NLRP3: variants seen among roughly 807,000 people sequenced by gnomAD.
NLRP3 encodes NLR family pyrin domain containing 3, also known as NACHT, LRR and PYD domains-containing protein 3.
A neutral mutation model predicts 91.3 loss-of-function variants in NLRP3; 48 were observed. The ratio of observed to expected loss-of-function variants is 0.53; its 90% confidence interval spans 0.42 to 0.67. The LOEUF is 0.67. NLRP3 is among the 30% of genes least tolerant of loss of function. The pLI is 0.00. For synonymous variants in NLRP3, 561 were observed against 507.9 expected, an observed-to-expected ratio of 1.10 and a Z score of -1.41; for missense variants, 982 against 1,276.9, an observed-to-expected ratio of 0.77 and a Z score of 3.52.
In NLRP3 at chr1:247,429,762, CCCCGTGCATGTGATCTGTGTGAGTG is replaced by C; in HGVS notation, c.2321+9_2321+33del. The stretch of plus-strand genomic sequence containing the variant: ...GTAACATTCGGAGATTGTGGTGAGT[CCCCGTGCATGTGATCTGTGTGAGTG>C]CAAGTTCATATGAGAGAGAGAGAGA... On this transcript the variant is annotated splice_region_variant and intron_variant, in intron 5 of 9. Coordinates refer to ENST00000336119, the MANE Select transcript of NLRP3 (RefSeq NM_001243133.2). 1.9e-6 allele frequency: 3 copies of C among 1,613,246 alleles called. 1 individual carries two copies. In the South Asian group the frequency reaches 3.3e-5, roughly 18 times the overall value.
Position 247,443,999 on chromosome 1 carries a change from C to T in NLRP3, c.2691C>T (p.Val897=), listed in dbSNP as rs1263629550. The change falls in exon 8 of 10, where the codon GTC becomes GTT. Residue 897 remains valine, a synonymous_variant. Coordinates refer to ENST00000336119, the MANE Select transcript of NLRP3 (RefSeq NM_001243133.2). ...TGGTGAATTCTGGCCTTACGTCAGT[C>T]TGTTGTTCAGCTTTGTCCTCGGTAC... ...LGLVNSGLTS[V]CCSALSSVLS... is the part of the protein sequence containing the mutation. 1.2e-6 allele frequency: 2 copies of T among 1,614,170 alleles called. No individual in the cohort carries two copies. Among genetic ancestry groups the T allele is most frequent in the South Asian group, 2.2e-5 (2 of 91,070 alleles).
chr1:247,425,726 C>A lies in NLRP3; in HGVS notation c.2150+127C>A. ...TTGCCACAGCTACATCATAATGCCA[C>A]CACTGTCTGTTTGAGACTCCTTCAT... On this transcript the variant is annotated intron_variant, in intron 4 of 9. Transcript: ENST00000336119. The surrounding 1 kb of genome is among the most constrained non-coding windows in gnomAD (Gnocchi z 4.1). 1 of 864,548 alleles carries A rather than the reference C, an allele frequency of 1.2e-6. No homozygotes were observed. The highest frequency in any genetic ancestry group is 1.9e-6 in the Non-Finnish European group (1 of 533,822). 53.6% of individuals were successfully genotyped at this position (864,548 alleles called of 1,614,324 possible). A position where few individuals can be genotyped will look rare whatever the true frequency, so the allele number is the denominator to read the frequency against.
chr1:247,416,533 G>T (rs1347904324), intron 1 of NLRP3, among the ~76,000 whole-genome samples: 1 of 152,148 alleles, frequency 6.6e-6, no homozygotes, highest in Non-Finnish European at 1.5e-5. Context: ...AAGACCAAAG[G>T]GCAGCAGATT....
At chr1:247,433,464 T>G (rs1017300349) in intron 5 of NLRP3, among the ~76,000 whole-genome samples, 1 of 152,140 alleles carries the variant, frequency 6.6e-6, no homozygotes, top group Non-Finnish European at 1.5e-5. Context: ...TTCACATGTC[T>G]GGGGGGTGAT....
rs201372862 is a variant in NLRP3, at chr1:247,418,543, C to T, written c.-258C>T. ...TCTTGAATTCCTCAGCTCAGGTGAT[C>T]TGCCTGCCTTGGCCTCTCAAAGTGC... On this transcript the variant is annotated 5_prime_UTR_variant, in exon 2 of 10. Coordinates refer to ENST00000336119, the MANE Select transcript of NLRP3 (RefSeq NM_001243133.2). 4 of 473,244 alleles carry T rather than the reference C, an allele frequency of 8.5e-6. No homozygotes were observed. The highest frequency in any genetic ancestry group is 1.5e-5 in the Non-Finnish European group (4 of 258,556). 29.3% of individuals were successfully genotyped at this position (473,244 alleles called of 1,614,324 possible). A position where few individuals can be genotyped will look rare whatever the true frequency, so the allele number is the denominator to read the frequency against.
chr1:247,441,129 CTCTT>C (rs58587092), intron 7 of NLRP3, among the ~76,000 whole-genome samples: 1,018 of 92,850 alleles, frequency 0.011, 12 homozygotes, highest in East Asian at 0.075. Context: ...TTTTCTTTTT[CTCTT>C]TCTTTCTTTC....
intron 7 of NLRP3, among the ~76,000 whole-genome samples, chr1:247,437,727 G>A (rs947708286): frequency 1.3e-5 from 2 of 152,196 alleles, no homozygotes; most frequent in Admixed American, 1.3e-4. Context: ...ACAGATAATA[G>A]ACATGCTAAA....
In NLRP3 at chr1:247,444,681, C is replaced by T. The variant is rs1664475444; in HGVS notation, c.2865C>T (p.Cys955=). Residue 955 remains cysteine, a synonymous_variant, in exon 9 of 10, where the codon TGC becomes TGT. Transcript: ENST00000336119. ...ELDNCNLTSH[C]CWDLSTLLTS... ...ACAACTGCAACCTCACGTCACACTG[C>T]TGCTGGGATCTTTCCACACTTCTGA... 6.2e-7 allele frequency: 1 copy of T among 1,614,004 alleles called. No individual in the cohort carries two copies. The highest frequency in any genetic ancestry group is 1.3e-5 in the African/African-American group (1 of 74,924).
chr1:247,445,679 T>C (rs1018715835), intron 9 of NLRP3, among the ~76,000 whole-genome samples: 11 of 152,174 alleles, frequency 7.2e-5, no homozygotes, highest in African/African-American at 2.4e-4. Flanking sequence ...GCCGTGATGA[T>C]TGCACTTTTC....
In NLRP3 at chr1:247,435,992, T is replaced by C; in HGVS notation, c.2515T>C (p.Ser839Pro). The change falls in exon 7 of 10, where the codon TCA becomes CCA. Residue 839 changes from serine to proline, a missense_variant. Around this residue, in one of 5 missense-constraint regions of NLRP3, gnomAD observed 373 missense variants for 431.5 expected, o/e 0.86. Coordinates refer to ENST00000336119, the MANE Select transcript of NLRP3 (RefSeq NM_001243133.2). Reference protein sequence around the residue: ...KLWLVSCCLTSACCQDLASVL... With the variant: ...KLWLVSCCLTPACCQDLASVL... ...AAGGTTGGTCAGCTGCTGCCTCACA[T>C]CAGCATGTTGTCAGGATCTTGCATC... 1.2e-6 allele frequency: 2 copies of C among 1,614,116 alleles called. No individual in the cohort carries two copies. The highest frequency in any genetic ancestry group is 1.7e-6 in the Non-Finnish European group (2 of 1,180,008).
In NLRP3 at chr1:247,433,801, C is replaced by T. The variant is rs1197936578; in HGVS notation, c.2322-302C>T. On this transcript the variant is annotated intron_variant, in intron 5 of 9. Coordinates refer to ENST00000336119, the MANE Select transcript of NLRP3 (RefSeq NM_001243133.2). ...CTGATGCATTCTCTATTCCAGAGCT[C>T]TCTGGTCAGGTGTGTCCTGATGCTT... Among the ~76,000 whole-genome samples, 654 of 136,214 alleles carry T rather than the reference C, an allele frequency of 4.8e-3. 7 individuals are homozygous for T. Among genetic ancestry groups the T allele is most frequent in the East Asian group, 5.6e-3 (24 of 4,262 alleles). 89.4% of individuals were successfully genotyped at this position (136,214 alleles called of 152,430 possible). A position where few individuals can be genotyped will look rare whatever the true frequency, so the allele number is the denominator to read the frequency against.
chr1:247,419,025 G>T lies in NLRP3; in HGVS notation c.225G>T (p.Ala75=). The change falls in exon 2 of 10, where the codon GCG becomes GCT. Residue 75 remains alanine (A), a synonymous_variant. Transcript: ENST00000336119. ...AWAMAVWIFA[A]INRRDLYEKA... ...CCATGGCCGTGTGGATCTTCGCTGC[G>T]ATCAACAGGAGAGACCTTTATGAGA... 2 of 1,613,448 alleles carry T rather than the reference G, an allele frequency of 1.2e-6. No homozygotes were observed. Among genetic ancestry groups the T allele is most frequent in the Non-Finnish European group, 1.7e-6 (2 of 1,180,010 alleles).
chr1:247,436,685 G>A (rs1663811115), intron 7 of NLRP3, among the ~76,000 whole-genome samples: 1 of 152,186 alleles, frequency 6.6e-6, no homozygotes, highest in South Asian at 2.1e-4. Context: ...ACCTGATGAT[G>A]CATGGTGGAT....
At chr1:247,431,069 A>G (rs1053164106) in intron 5 of NLRP3, among the ~76,000 whole-genome samples, 1 of 152,062 alleles carries the variant, frequency 6.6e-6, no homozygotes, top group Non-Finnish European at 1.5e-5. Context: ...CTGTAGTCCC[A>G]GCTACTCGGG....
intron 5 of NLRP3, 120 bp downstream of exon 5, chr1:247,429,875 T>C: frequency 7.8e-7 from 1 of 1,281,394 alleles, no homozygotes; most frequent in East Asian, 2.5e-5. Flanking sequence ...CTTTTCTTTT[T>C]CTTTTTTTCT....
chr1:247,438,177 G>A (rs1019792866), intron 7 of NLRP3, among the ~76,000 whole-genome samples: 4 of 152,132 alleles, frequency 2.6e-5, no homozygotes, highest in African/African-American at 9.7e-5. Context: ...CTTATAGGTC[G>A]TACAGGTCCT....
At chr1:247,428,059 C>T (rs1337769078) in intron 4 of NLRP3, among the ~76,000 whole-genome samples, 1 of 149,282 alleles carries the variant, frequency 6.7e-6, no homozygotes. Flanking sequence ...CTCACTGAAG[C>T]CCCGGTAGGA....
chr1:247,423,763 G>A lies in NLRP3; in HGVS notation c.398-84G>A, dbSNP rs3806266. ...CATTTCTCCATTCCGGTTACCACTC[G>A]CTTCCGATGACAGGCCCCAGCTGAG... On this transcript the variant is annotated intron_variant, in intron 3 of 9. Coordinates refer to ENST00000336119, the MANE Select transcript of NLRP3 (RefSeq NM_001243133.2). The A allele has an allele frequency of 4.6e-3, 5,675 of 1,231,324 alleles. 139 individuals carry two copies. In the East Asian group the frequency reaches 0.078, roughly 17 times the overall value. The allele number at this position is 1,231,324 out of a possible 1,614,324, so 76.3% of individuals were successfully genotyped here.
chr1:247,439,927 T>C (rs1288559369), intron 7 of NLRP3, among the ~76,000 whole-genome samples: 1 of 152,230 alleles, frequency 6.6e-6, no homozygotes, highest in Admixed American at 6.5e-5. Flanking sequence ...GTTTTATGCA[T>C]GTGTATTTGC....
Sources: gnomAD v4.1 joint callset for allele counts (sites outside exome capture counted in the v4.1 genomes callset) on GRCh38, gnomAD v4.1.1 for gene constraint, gnomAD v4.1.1 regional missense constraint, Gnocchi (gnomAD v3.1) non-coding constraint, MANE v1.5 for transcripts, NCBI Gene and HGNC (gene_info 2026-07-23, HGNC 2026-07-21) for gene names.